Variants in GABRG3 observed in about 807,000 individuals in gnomAD.
GABRG3 encodes the protein gamma-aminobutyric acid receptor subunit gamma-3.
Under a neutral mutation model 48.8 loss-of-function variants are expected in GABRG3, and 25 were observed. The observed-to-expected ratio is 0.51, with a 90% CI of 0.37 to 0.72. The LOEUF is 0.72. Among genes scored for constraint, GABRG3 ranks in the 30% least tolerant of loss-of-function variants. GABRG3 has a pLI of 0.00. For missense variants in GABRG3, 394 were observed against 577.9 expected (o/e 0.68, Z 3.26); for synonymous variants, 227 against 217.6 (o/e 1.04, Z -0.38).
chr15:27,180,589 C>T lies in GABRG3; in HGVS notation c.271-146220C>T, dbSNP rs1887898254. ...GTCATCCTGATTCACTCAACTTTAC[C>T]CCAACTCAGATTCTGTTTCTAAGGT... On this transcript the variant is annotated intron_variant, in intron 3 of 9. Transcript: ENST00000615808. This position sits in a 1 kb window ranked among gnomAD's most constrained non-coding sequence, Gnocchi z 4.2. Among the ~76,000 whole-genome samples the T allele has an allele frequency of 6.6e-6, 1 of 152,096 alleles. No individual in the cohort carries two copies. The highest frequency in any genetic ancestry group is 6.6e-5 in the Admixed American group (1 of 15,260).
intron 3 of GABRG3, among the ~76,000 whole-genome samples, chr15:27,146,799 AAAAG>A (rs1336077319): frequency 3.3e-5 from 5 of 152,170 alleles, no homozygotes; most frequent in Non-Finnish European, 7.4e-5. Context: ...ATAATGTAGT[AAAAG>A]AAAGGACAAG....
chr15:27,010,009 A>T (rs981120120), intron 2 of GABRG3, among the ~76,000 whole-genome samples: 3 of 151,918 alleles, frequency 2.0e-5, no homozygotes, highest in Admixed American at 6.6e-5. Context: ...CAGTGGTATG[A>T]TCATGGCTTA....
chr15:27,198,151 G>T (rs1888557744), intron 3 of GABRG3, among the ~76,000 whole-genome samples: 1 of 152,130 alleles, frequency 6.6e-6, no homozygotes, highest in Non-Finnish European at 1.5e-5. Flanking sequence ...TGACAAATGG[G>T]ATCTAATTAA....
chr15:27,415,420 G>A (rs771676653), intron 5 of GABRG3, among the ~76,000 whole-genome samples: 4 of 151,684 alleles, frequency 2.6e-5, no homozygotes, highest in African/African-American at 9.7e-5. Flanking sequence ...TGCTTATATC[G>A]CCCATCTGTT....
At chr15:27,320,886 C>T (rs1189366945) in intron 3 of GABRG3, among the ~76,000 whole-genome samples, 9 of 152,046 alleles carry the variant, frequency 5.9e-5, no homozygotes, top group Non-Finnish European at 7.4e-5. Context: ...GCATTATTTT[C>T]CTAAAAAGGG....
At chr15:27,212,037 C>A (rs1889097397) in intron 3 of GABRG3, among the ~76,000 whole-genome samples, 1 of 152,174 alleles carries the variant, frequency 6.6e-6, no homozygotes, top group African/African-American at 2.4e-5. Context: ...GCTCTGTTTC[C>A]TTTGAAAAAC....
intron 3 of GABRG3, among the ~76,000 whole-genome samples, chr15:27,299,082 G>A (rs1430057996): frequency 6.6e-6 from 1 of 152,118 alleles, no homozygotes; most frequent in Non-Finnish European, 1.5e-5. Context: ...TCAGGGGTTC[G>A]AGACCAGTCT....
At chr15:27,267,364 C>T (rs150498798) in intron 3 of GABRG3, among the ~76,000 whole-genome samples, 1 of 152,098 alleles carries the variant, frequency 6.6e-6, no homozygotes, top group Non-Finnish European at 1.5e-5. Flanking sequence ...GCCTCAGTCT[C>T]CCAAAGTGTT....
At chr15:27,403,923 A>G (rs1382315952) in intron 5 of GABRG3, among the ~76,000 whole-genome samples, 1 of 124,554 alleles carries the variant, frequency 8.0e-6, no homozygotes. Flanking sequence ...ACAAAAAAAA[A>G]AAAAACAAAA....
intron 6 of GABRG3, among the ~76,000 whole-genome samples, chr15:27,495,119 G>GT (rs1411550271): frequency 6.6e-6 from 1 of 152,100 alleles, no homozygotes; most frequent in Non-Finnish European, 1.5e-5. Flanking sequence ...CCACTAAACA[G>GT]TAATTCCTCC....
chr15:27,013,745 G>A (rs995682950), intron 2 of GABRG3, among the ~76,000 whole-genome samples: 1 of 152,058 alleles, frequency 6.6e-6, no homozygotes, highest in Non-Finnish European at 1.5e-5. Flanking sequence ...CTTTATACCA[G>A]TATCATGCTG....
intron 3 of GABRG3, among the ~76,000 whole-genome samples, chr15:27,242,065 C>T (rs1431855685): frequency 2.0e-5 from 3 of 152,156 alleles, no homozygotes; most frequent in African/African-American, 4.8e-5. Flanking sequence ...TGCTGTGTCC[C>T]GAATTGCTTC....
At chr15:26,980,039 GGTT>G (rs1463891141) in intron 2 of GABRG3, among the ~76,000 whole-genome samples, 5 of 151,696 alleles carry the variant, frequency 3.3e-5, no homozygotes, top group African/African-American at 1.2e-4. Context: ...TTCATATTAG[GGTT>G]GTGGTGGTTT....
At chr15:27,055,616 C>T (rs1040595060) in intron 3 of GABRG3, among the ~76,000 whole-genome samples, 6 of 152,176 alleles carry the variant, frequency 3.9e-5, no homozygotes, top group Non-Finnish European at 7.3e-5. Context: ...TACCTTCAGG[C>T]TACATGCATA....
intron 3 of GABRG3, among the ~76,000 whole-genome samples, chr15:27,254,164 A>G (rs765708127): frequency 6.6e-6 from 1 of 152,180 alleles, no homozygotes; most frequent in Non-Finnish European, 1.5e-5. Flanking sequence ...GCGACAATGC[A>G]GGTCCCTGGC....
chr15:27,386,201 G>A (rs1254992880), intron 5 of GABRG3, among the ~76,000 whole-genome samples: 2 of 152,058 alleles, frequency 1.3e-5, no homozygotes, highest in African/African-American at 2.4e-5. Flanking sequence ...CACTTTACTG[G>A]TGACAACTGA....
At chr15:27,003,432 G>A (rs1453279845) in intron 2 of GABRG3, among the ~76,000 whole-genome samples, 103 of 151,100 alleles carry the variant, frequency 6.8e-4, no homozygotes, top group African/African-American at 2.3e-3. Flanking sequence ...CTCTTAACGA[G>A]CATGCTGCCT....
chr15:27,352,655 C>T lies in GABRG3; in HGVS notation c.574+23767C>T, dbSNP rs1378441534. On this transcript the variant is annotated intron_variant, in intron 5 of 9. Transcript: ENST00000615808. This position sits in a 1 kb window ranked among gnomAD's most constrained non-coding sequence, Gnocchi z 4.0. ...AGGCCAAGGAAGCCCCCTGCCAAGG[C>T]AGCAGCCACATACCAAACCGTTGGG... 6.6e-6 allele frequency among the ~76,000 whole-genome samples: 1 copy of T among 152,120 alleles called. No homozygotes were observed. The highest frequency in any genetic ancestry group is 1.5e-5 in the Non-Finnish European group (1 of 68,018).
intron 6 of GABRG3, among the ~76,000 whole-genome samples, chr15:27,500,149 G>A (rs1024291116): frequency 2.0e-5 from 3 of 152,164 alleles, no homozygotes; most frequent in East Asian, 3.9e-4. Flanking sequence ...AAATGAACAC[G>A]AGGGAACTGA....
Sources: gnomAD v4.1 joint callset for allele counts (sites outside exome capture counted in the v4.1 genomes callset) on GRCh38, gnomAD v4.1.1 for gene constraint, Gnocchi (gnomAD v3.1) non-coding constraint, MANE v1.5 for transcripts, NCBI Gene and HGNC (gene_info 2026-07-23, HGNC 2026-07-21) for gene names.